The following COL5A1 variants were observed in gnomAD, a reference collection of about 807,000 sequenced individuals.
COL5A1 encodes the protein collagen alpha-1(V) chain.
COL5A1 carries 16 observed loss-of-function variants against 263.7 expected under a neutral mutation model. The ratio of observed to expected loss-of-function variants is 0.06; its 90% CI spans 0.04 to 0.09. COL5A1 has a LOEUF of 0.09. Ranked by LOEUF, COL5A1 falls within the 10% of genes least tolerant of loss-of-function variation. The pLI is 1.00. For synonymous variants in COL5A1, 1,012 were observed against 1,004.5 expected, an observed-to-expected ratio of 1.01 and a Z score of -0.14; for missense variants, 2,036 against 2,540.5, an observed-to-expected ratio of 0.80 and a Z score of 4.27.
rs1836023410 is a variant in COL5A1, at chr9:134,757,488, CA to C, written c.1881+677del. On this transcript the variant is annotated intron_variant, in intron 17 of 65. Transcript: ENST00000371817. The surrounding 1 kb of genome is among the most constrained non-coding windows in gnomAD (Gnocchi z 6.2). Reference sequence around the variant, plus strand: ...GATTTGGAGATTGGAGACCGGGCACCAAAAAAATGCCAGGGCTCAACTACAC... The same window carrying C: ...GATTTGGAGATTGGAGACCGGGCACCAAAAAATGCCAGGGCTCAACTACAC... Among the ~76,000 whole-genome samples the C allele has an allele frequency of 6.6e-6, 1 of 151,964 alleles. No individual in the cohort carries two copies. The highest frequency in any genetic ancestry group is 2.4e-5 in the African/African-American group (1 of 41,370).
At chr9:134,732,821 T>A (rs1158878495) in intron 9 of COL5A1, among the ~76,000 whole-genome samples, 1 of 152,202 alleles carries the variant, frequency 6.6e-6, no homozygotes, top group Non-Finnish European at 1.5e-5. Flanking sequence ...CCCTGCCCCA[T>A]ACTGGGGTGT....
In COL5A1 at chr9:134,706,348, C is replaced by T. The variant is rs140515656; in HGVS notation, c.654+5015C>T. ...GGGAAGGCAGAGGGGCTGGGCTCCC[C>T]CCAGTGCAGGAAGGTCTTTTTATCC... On this transcript the variant is annotated intron_variant, in intron 4 of 65. Transcript: ENST00000371817. Among the ~76,000 whole-genome samples, 284 of 152,292 alleles carry T rather than the reference C, an allele frequency of 1.9e-3. 1 individual carries two copies. Among genetic ancestry groups the T allele is most frequent in the Non-Finnish European group, 3.3e-3 (226 of 68,026 alleles).
At chr9:134,684,824 T>A (rs1053671713) in intron 1 of COL5A1, among the ~76,000 whole-genome samples, 5 of 152,226 alleles carry the variant, frequency 3.3e-5, no homozygotes, top group Non-Finnish European at 7.3e-5. Flanking sequence ...AAAATTGCCC[T>A]ATACCTCCTG....
intron 7 of COL5A1, 46 bp from the exon 8 acceptor site, chr9:134,731,450 C>G: frequency 6.2e-7 from 1 of 1,605,746 alleles, no homozygotes; most frequent in Non-Finnish European, 8.5e-7. Context: ...GAGGCAGTGC[C>G]TGGTGCGTTT....
chr9:134,642,311 G>T lies in COL5A1; in HGVS notation c.109+15G>T. 1.2e-6 allele frequency: 1 copy of T among 856,462 alleles called. No individual in the cohort carries two copies. Among genetic ancestry groups the T allele is most frequent in the Non-Finnish European group, 1.5e-6 (1 of 667,948 alleles). 53.1% of individuals were successfully genotyped at this position (856,462 alleles called of 1,614,324 possible). ...GAGCCGCGCAGGTAAGGGCGCCCCGGGGCGCGGGGCTGCGGGATGGGGCGC... is the reference window on the plus strand; with the variant it reads ...GAGCCGCGCAGGTAAGGGCGCCCCGTGGCGCGGGGCTGCGGGATGGGGCGC... On this transcript the variant is annotated intron_variant, in intron 1 of 65. Coordinates refer to ENST00000371817, the MANE Select transcript of COL5A1 (RefSeq NM_000093.5). The surrounding 1 kb of genome is among the most constrained non-coding windows in gnomAD (Gnocchi z 4.5).
At chr9:134,815,709 G>T (rs1007851730) in intron 51 of COL5A1, 80 bp downstream of exon 51, 4 of 1,504,508 alleles carry the variant, frequency 2.7e-6, no homozygotes, top group Non-Finnish European at 3.7e-6. Flanking sequence ...CCCTCTTTCT[G>T]GTGGTTCTTT....
At chr9:134,813,748 GAC>G (rs1234046430) in intron 48 of COL5A1, among the ~76,000 whole-genome samples, 19 of 152,226 alleles carry the variant, frequency 1.2e-4, no homozygotes, top group African/African-American at 2.9e-4. Context: ...AGCCTTCACA[GAC>G]AGTGTTGCTT....
At position 134,690,966 on chromosome 9, in the gene COL5A1, T is replaced by C. The variant is rs899196123; in HGVS notation, c.164T>C (p.Ile55Thr). Residue 55 changes from isoleucine to threonine, a missense_variant, in exon 2 of 66, where the codon ATA becomes ACA. Ile to Thr is a moderately conservative substitution (Grantham distance 89). This residue lies in a region of COL5A1 where 600 missense variants were observed against 634.5 expected (regional missense o/e 0.95). Coordinates refer to ENST00000371817, the MANE Select transcript of COL5A1 (RefSeq NM_000093.5). ...VLDFHNLPDG[I>T]TKTTGFCATR... Reference sequence around the variant, plus strand: ...GATTTTCACAACTTGCCTGATGGAATAACAAAGACAACAGGCTTTTGCGCC... The same window carrying C: ...GATTTTCACAACTTGCCTGATGGAACAACAAAGACAACAGGCTTTTGCGCC... The C allele has an allele frequency of 1.9e-6, 3 of 1,613,764 alleles. No individual in the cohort carries two copies. In the African/African-American group the frequency reaches 4.0e-5, roughly 22 times the overall value.
At chr9:134,813,058 T>G (rs2132849520) in intron 48 of COL5A1, among the ~76,000 whole-genome samples, 1 of 152,288 alleles carries the variant, frequency 6.6e-6, no homozygotes, top group East Asian at 1.9e-4. Context: ...CTGGTGGAGA[T>G]CATCTATTCC....
chr9:134,791,524 C>T (rs779832660), intron 32 of COL5A1, among the ~76,000 whole-genome samples: 3 of 151,794 alleles, frequency 2.0e-5, no homozygotes, highest in Non-Finnish European at 2.9e-5. Context: ...CGGGGAATGA[C>T]GGAGAGTGTG....
At chr9:134,808,922 A>C in intron 42 of COL5A1, 3 of 551,532 alleles carry the variant, frequency 5.4e-6, no homozygotes, top group Middle Eastern at 4.9e-4. Context: ...ACTGTGCCTC[A>C]GTTTCCCCAT....
chr9:134,711,660 G>A (rs1834045989), intron 4 of COL5A1, among the ~76,000 whole-genome samples: 1 of 152,114 alleles, frequency 6.6e-6, no homozygotes, highest in South Asian at 2.1e-4. Context: ...CAGGACTTCA[G>A]CCCAGGCCTG....
At chr9:134,830,292 G>T in intron 64 of COL5A1, 1 of 1,049,884 alleles carries the variant, frequency 9.5e-7, no homozygotes. Context: ...TTGCCAAACC[G>T]CTCCACATCA....
chr9:134,817,683 C>CCA (rs145359576), intron 53 of COL5A1, 95 bp from the exon 54 acceptor site: 497 of 1,061,242 alleles, frequency 4.7e-4, no homozygotes, highest in East Asian at 1.6e-3. Context: ...CCCCTGCAGG[C>CCA]CACACACACA....
At chr9:134,834,248 G>C (rs571907504) in intron 64 of COL5A1, among the ~76,000 whole-genome samples, 1 of 152,278 alleles carries the variant, frequency 6.6e-6, no homozygotes, top group South Asian at 2.1e-4. Context: ...CCGACCCAGC[G>C]ATCGGGTGCA....
At chr9:134,668,643 C>T (rs1006587334) in intron 1 of COL5A1, among the ~76,000 whole-genome samples, 1 of 152,042 alleles carries the variant, frequency 6.6e-6, no homozygotes, top group African/African-American at 2.4e-5. Context: ...ACCCATCCAT[C>T]TAAACTATAA....
Position 134,780,105 on chromosome 9 carries a change from G to T in COL5A1, c.2389G>T (p.Ala797Ser), listed in dbSNP as rs1387117696. ...GYPGPRGVKGADGIRGLKGTK... is the reference protein window; with the variant it reads ...GYPGPRGVKGSDGIRGLKGTK... ...TTTTCTTTTCCCACCCGCACAGGGG[G>T]CCGATGGCATCCGTGGTCTGAAGGG... Residue 797 changes from alanine to serine, a missense_variant, in exon 28 of 66, where the codon GCC becomes TCC. Physicochemically the swap from Ala to Ser is moderately conservative, Grantham distance 99. Around this residue, in one of 3 missense-constraint regions of COL5A1, gnomAD observed 1,078 missense variants for 1,521.4 expected, o/e 0.71. Transcript: ENST00000371817. 6.2e-7 allele frequency: 1 copy of T among 1,613,448 alleles called. No homozygotes were observed.
chr9:134,833,473 G>A (rs1190536250), intron 64 of COL5A1, among the ~76,000 whole-genome samples: 2 of 152,278 alleles, frequency 1.3e-5, no homozygotes, highest in South Asian at 2.1e-4. Flanking sequence ...TCAGAGTCCC[G>A]GGCTGACCTT....
In COL5A1 at chr9:134,681,166, G is replaced by T. The variant is rs1346677292; in HGVS notation, c.110-9746G>T. 1.3e-5 allele frequency among the ~76,000 whole-genome samples: 2 copies of T among 152,192 alleles called. No homozygotes were observed. The highest frequency in any genetic ancestry group is 4.8e-5 in the African/African-American group (2 of 41,442). The stretch of plus-strand genomic sequence containing the variant: ...TGAGGCCGCCTGCCTTGCAGGGAGG[G>T]CTGGGGTGGGGGGGCCTCAGCCCTG... On this transcript the variant is annotated intron_variant, in intron 1 of 65. Transcript: ENST00000371817. The surrounding 1 kb of genome is among the most constrained non-coding windows in gnomAD (Gnocchi z 4.3).
Sources: allele counts gnomAD v4.1 joint callset (sites outside exome capture counted in the v4.1 genomes callset), GRCh38; gene constraint gnomAD v4.1.1; regional missense constraint gnomAD v4.1.1; non-coding constraint Gnocchi (gnomAD v3.1); transcripts MANE v1.5; gene names NCBI Gene and HGNC (gene_info 2026-07-23, HGNC 2026-07-21).